AKAP6: variants seen among roughly 807,000 people sequenced by gnomAD.
AKAP6 encodes A-kinase anchoring protein 6.
Under a neutral mutation model 188.5 loss-of-function variants are expected in AKAP6, and 58 were observed. The observed-to-expected ratio is 0.31, with a 90% CI of 0.25 to 0.38. The LOEUF is 0.38. AKAP6 is among the 10% of genes least tolerant of loss of function. The probability of loss-of-function intolerance (pLI) is 1.00; values close to 1 mark genes in which losing one functional copy is unlikely to be tolerated. For synonymous variants in AKAP6, 989 were observed against 998.6 expected (o/e 0.99, Z 0.18); for missense variants, 2,710 against 2,740.0 (o/e 0.99, Z 0.24).
chr14:32,578,656 C>T (rs928984054), intron 5 of AKAP6, among the ~76,000 whole-genome samples: 1 of 152,118 alleles, frequency 6.6e-6, no homozygotes, highest in African/African-American at 2.4e-5. Context: ...AGTATATGAA[C>T]TTTATTTCAC....
chr14:32,345,613 A>G (rs564058988), intron 1 of AKAP6, among the ~76,000 whole-genome samples: 1 of 152,326 alleles, frequency 6.6e-6, no homozygotes, highest in African/African-American at 2.4e-5. Context: ...AAGTATCCTA[A>G]GAAAGGTGGA....
intron 12 of AKAP6, among the ~76,000 whole-genome samples, chr14:32,789,631 C>T (rs931965190): frequency 8.5e-5 from 13 of 152,288 alleles, no homozygotes; most frequent in African/African-American, 2.9e-4. Flanking sequence ...ACCGCAGCAG[C>T]CCTATGCTAG....
intron 12 of AKAP6, among the ~76,000 whole-genome samples, chr14:32,811,112 G>A (rs12433786): frequency 0.2 from 29,961 of 151,636 alleles, 3,299 homozygotes; most frequent in East Asian, 0.35. Flanking sequence ...GGTGGTGGGC[G>A]CCTGTTGTCC....
At chr14:32,520,834 A>G (rs996205514) in intron 2 of AKAP6, among the ~76,000 whole-genome samples, 8 of 152,146 alleles carry the variant, frequency 5.3e-5, no homozygotes, top group Admixed American at 4.6e-4. Flanking sequence ...ATCCTCCCTA[A>G]CTCATTTTAT....
chr14:32,772,304 G>C (rs1403182393), intron 11 of AKAP6, among the ~76,000 whole-genome samples: 1 of 152,108 alleles, frequency 6.6e-6, no homozygotes, highest in Non-Finnish European at 1.5e-5. Context: ...ACTTATATAG[G>C]AAAATAGTAA....
intron 11 of AKAP6, among the ~76,000 whole-genome samples, chr14:32,757,474 G>C (rs142820484): frequency 2.6e-5 from 4 of 152,192 alleles, no homozygotes; most frequent in African/African-American, 9.6e-5. Flanking sequence ...GATCAGCCCA[G>C]GCTCCCCTTT....
intron 7 of AKAP6, among the ~76,000 whole-genome samples, chr14:32,670,216 G>A (rs1344779520): frequency 2.0e-5 from 3 of 151,910 alleles, no homozygotes; most frequent in Non-Finnish European, 2.9e-5. Context: ...GAGGGTAAAT[G>A]CCCCCAGGAT....
At position 32,546,235 on chromosome 14, in the gene AKAP6, G is replaced by A; in HGVS notation, c.1582G>A (p.Ala528Thr). The A allele has an allele frequency of 1.9e-6, 3 of 1,614,186 alleles. No homozygotes were observed. The highest frequency in any genetic ancestry group is 2.5e-6 in the Non-Finnish European group (3 of 1,180,020). ...ACAAGCTAAAAATACAAAGAGCTCAGCAGTGCCAAATGGAGAGCTTTCTTA... is the reference window on the plus strand; with the variant it reads ...ACAAGCTAAAAATACAAAGAGCTCAACAGTGCCAAATGGAGAGCTTTCTTA... Reference protein sequence around the residue: ...GKQAKNTKSSAVPNGELSYTS... With the variant: ...GKQAKNTKSSTVPNGELSYTS... The change falls in exon 4 of 14, where the codon GCA becomes ACA. Residue 528 changes from alanine to threonine, a missense_variant. By Grantham distance (58) the Ala-to-Thr change is moderately conservative. Around this residue, in one of 2 missense-constraint regions of AKAP6, gnomAD observed 2,473 missense variants for 2,426.1 expected, o/e 1.02. Transcript: ENST00000280979.
At chr14:32,446,738 G>T (rs553433248) in intron 2 of AKAP6, among the ~76,000 whole-genome samples, 143 of 151,908 alleles carry the variant, frequency 9.4e-4, no homozygotes, top group Admixed American at 2.6e-3. Context: ...TTAAAATTCA[G>T]TACATCTTTA....
intron 8 of AKAP6, among the ~76,000 whole-genome samples, chr14:32,680,338 G>A (rs1312597842): frequency 6.6e-6 from 1 of 152,226 alleles, no homozygotes; most frequent in Non-Finnish European, 1.5e-5. Flanking sequence ...ATGCATGTGA[G>A]TGAGGTTATC....
In AKAP6 at chr14:32,822,836, GAC is replaced by G; in HGVS notation, c.5025_5026del (p.Ile1676SerfsTer6). On this transcript the variant is annotated frameshift_variant, in exon 13 of 14. Transcript: ENST00000280979. LOFTEE classifies it high-confidence loss of function. Reference sequence around the variant, plus strand: ...GTCCTTTACTGGCCAGATGTCATTGGACATAGCATCTTCTATCAATGAAGACT... The same window carrying G: ...GTCCTTTACTGGCCAGATGTCATTGGATAGCATCTTCTATCAATGAAGACT... The part of the protein sequence containing the change: ...KMSFTGQMSL[D>X]IASSINEDSA... 6.2e-7 allele frequency: 1 copy of G among 1,613,934 alleles called. No homozygotes were observed. The highest frequency in any genetic ancestry group is 8.5e-7 in the Non-Finnish European group (1 of 1,179,934).
At chr14:32,539,152 G>T (rs76099587) in intron 3 of AKAP6, among the ~76,000 whole-genome samples, 9,470 of 152,200 alleles carry the variant, frequency 0.062, 352 homozygotes, top group African/African-American at 0.087. Flanking sequence ...CAATTTACAG[G>T]TATTATGATT....
chr14:32,687,446 CTCTT>C (rs1416904694), intron 8 of AKAP6, among the ~76,000 whole-genome samples: 6 of 139,638 alleles, frequency 4.3e-5, no homozygotes, highest in African/African-American at 9.2e-5. Context: ...CTCTCTTTCT[CTCTT>C]TCTCTTTTTT....
chr14:32,373,103 G>A (rs1888061072), intron 1 of AKAP6, among the ~76,000 whole-genome samples: 2 of 151,128 alleles, frequency 1.3e-5, no homozygotes, highest in African/African-American at 2.4e-5. Flanking sequence ...TTTTTGGGGG[G>A]GTGGGGTATA....
intron 3 of AKAP6, among the ~76,000 whole-genome samples, chr14:32,539,105 A>C (rs1882809451): frequency 6.6e-6 from 1 of 152,160 alleles, no homozygotes; most frequent in Admixed American, 6.6e-5. Context: ...GTCCTCACAT[A>C]GTTCTGAGAG....
intron 2 of AKAP6, among the ~76,000 whole-genome samples, chr14:32,496,981 G>A (rs1440625911): frequency 6.6e-6 from 1 of 152,016 alleles, no homozygotes; most frequent in Admixed American, 6.6e-5. Flanking sequence ...TCTTTGTTTG[G>A]TCTCTTAAAA....
chr14:32,757,152 C>G (rs536859639), intron 11 of AKAP6, among the ~76,000 whole-genome samples: 1 of 152,318 alleles, frequency 6.6e-6, no homozygotes, highest in Non-Finnish European at 1.5e-5. Context: ...AAGTTTCCTT[C>G]CTAGCCTTTT....
rs75806051 is a variant in AKAP6, at chr14:32,573,857, A to G, written c.2347-3263A>G. 8.2e-3 allele frequency among the ~76,000 whole-genome samples: 1,248 copies of G among 152,320 alleles called. 23 individuals are homozygous for G. The highest frequency in any genetic ancestry group is 0.064 in the East Asian group (333 of 5,192). On this transcript the variant is annotated intron_variant, in intron 4 of 13. Coordinates refer to ENST00000280979, the MANE Select transcript of AKAP6 (RefSeq NM_004274.5). ...TGTCCAAATGTGAATACACCTGCAC[A>G]TCCACATGGTCTGTGTATAGAGGGG...
intron 1 of AKAP6, among the ~76,000 whole-genome samples, chr14:32,400,577 A>AAAAAAAAAAAAAAAAAAC (rs1889053429): frequency 6.7e-6 from 1 of 150,140 alleles, no homozygotes; most frequent in African/African-American, 2.4e-5. Context: ...AAAAAAAAAA[A>AAAAAAAAAAAAAAAAAAC]AAGACAGTAA....
Sources: allele counts gnomAD v4.1 joint callset (sites outside exome capture counted in the v4.1 genomes callset), GRCh38; gene constraint gnomAD v4.1.1; regional missense constraint gnomAD v4.1.1; transcripts MANE v1.5; gene names NCBI Gene and HGNC (gene_info 2026-07-23, HGNC 2026-07-21).